The following ATRNL1 variants were observed in gnomAD, a reference collection of about 807,000 sequenced individuals.
ATRNL1 encodes the protein attractin-like protein 1.
Under a neutral mutation model 182.7 loss-of-function variants are expected in ATRNL1, and 95 were observed. The observed-to-expected ratio is 0.52, with a 90% CI of 0.44 to 0.62. ATRNL1 has a LOEUF of 0.62. Ranked by LOEUF, ATRNL1 falls within the 20% of genes least tolerant of loss-of-function variation. The pLI is 0.00. For synonymous variants in ATRNL1, 576 were observed against 568.3 expected (o/e 1.01, Z -0.19); for missense variants, 1,471 against 1,679.5 (o/e 0.88, Z 2.17).
chr10:115,621,280 G>C (rs60514863), intron 26 of ATRNL1, among the ~76,000 whole-genome samples: 1 of 55,242 alleles, frequency 1.8e-5, no homozygotes. Flanking sequence ...TATATATAGA[G>C]AGAGAGAGAG....
chr10:115,160,851 G>A (rs1279105965), intron 6 of ATRNL1, among the ~76,000 whole-genome samples: 17 of 151,986 alleles, frequency 1.1e-4, no homozygotes, highest in Non-Finnish European at 7.4e-5. Context: ...TCCAGGGGTA[G>A]TGTTCATATT....
At chr10:115,148,165 A>G (rs868927043) in intron 5 of ATRNL1, among the ~76,000 whole-genome samples, 1 of 151,988 alleles carries the variant, frequency 6.6e-6, no homozygotes, top group African/African-American at 2.4e-5. Context: ...GATTGTCCAC[A>G]TGCTTGGTTA....
chr10:115,106,817 G>A (rs572554878), intron 1 of ATRNL1, among the ~76,000 whole-genome samples: 12 of 152,210 alleles, frequency 7.9e-5, no homozygotes, highest in South Asian at 4.1e-4. Flanking sequence ...CCAGTTTTGG[G>A]TGTGTCTTTA....
At chr10:115,302,536 A>G (rs782073582) in intron 17 of ATRNL1, among the ~76,000 whole-genome samples, 1 of 152,154 alleles carries the variant, frequency 6.6e-6, no homozygotes, top group Non-Finnish European at 1.5e-5. Context: ...TATTTTATCA[A>G]TGTTGGTATA....
intron 26 of ATRNL1, among the ~76,000 whole-genome samples, chr10:115,719,938 T>C (rs1055072025): frequency 7.9e-5 from 12 of 151,240 alleles, no homozygotes; most frequent in Non-Finnish European, 1.3e-4. Context: ...TGGCTCACTG[T>C]ATCCTCTGCC....
At chr10:115,535,224 C>G (rs550689976) in intron 25 of ATRNL1, among the ~76,000 whole-genome samples, 64 of 152,248 alleles carry the variant, frequency 4.2e-4, no homozygotes, top group Non-Finnish European at 5.9e-4. Flanking sequence ...GCTCCATTCT[C>G]CCCGTCACTT....
chr10:115,935,539 T>G (rs1444153349), intron 28 of ATRNL1, among the ~76,000 whole-genome samples: 1 of 152,136 alleles, frequency 6.6e-6, no homozygotes, highest in Non-Finnish European at 1.5e-5. Flanking sequence ...TGGCTGCAAA[T>G]GAGCGGAGTG....
At chr10:115,726,662 C>G (rs1433746053) in intron 26 of ATRNL1, among the ~76,000 whole-genome samples, 1 of 152,268 alleles carries the variant, frequency 6.6e-6, no homozygotes, top group South Asian at 2.1e-4. Context: ...CTAATCATGC[C>G]TCATTTTGAA....
intron 26 of ATRNL1, among the ~76,000 whole-genome samples, chr10:115,638,583 G>A (rs531241905): frequency 6.6e-6 from 1 of 152,232 alleles, no homozygotes; most frequent in South Asian, 2.1e-4. Context: ...TGGGTATGGA[G>A]TATCTTTTAA....
intron 12 of ATRNL1, among the ~76,000 whole-genome samples, chr10:115,267,895 G>A (rs1282579204): frequency 2.6e-5 from 4 of 152,056 alleles, no homozygotes; most frequent in Non-Finnish European, 5.9e-5. Context: ...CCGAGTAGCT[G>A]GAATTACAGG....
chr10:115,893,888 T>C (rs1952141046), intron 28 of ATRNL1, among the ~76,000 whole-genome samples: 1 of 151,786 alleles, frequency 6.6e-6, no homozygotes, highest in Non-Finnish European at 1.5e-5. Flanking sequence ...CATGCCAGGG[T>C]CAGTAGGGCA....
intron 24 of ATRNL1, among the ~76,000 whole-genome samples, chr10:115,490,502 C>T (rs1169944906): frequency 6.6e-6 from 1 of 152,070 alleles, no homozygotes; most frequent in Non-Finnish European, 1.5e-5. Context: ...CTTTCTTCCC[C>T]TTGATTGATT....
chr10:115,898,405 T>C (rs782749898), intron 28 of ATRNL1, among the ~76,000 whole-genome samples: 15 of 152,220 alleles, frequency 9.9e-5, no homozygotes, highest in Non-Finnish European at 1.6e-4. Context: ...CAGGCCATCA[T>C]TGTGGCAGGC....
intron 5 of ATRNL1, among the ~76,000 whole-genome samples, chr10:115,140,718 A>G (rs1554877823): frequency 1.3e-5 from 2 of 152,164 alleles, no homozygotes; most frequent in East Asian, 1.9e-4. Flanking sequence ...TTTTAATTCA[A>G]TTCAGCTACA....
intron 19 of ATRNL1, among the ~76,000 whole-genome samples, chr10:115,389,548 A>G (rs703354): frequency 0.055 from 1,663 of 30,162 alleles, 238 homozygotes; most frequent in African/African-American, 0.15. Flanking sequence ...GTGTATATAT[A>G]TATATATATA....
chr10:115,857,725 A>G (rs183029185), intron 28 of ATRNL1, among the ~76,000 whole-genome samples: 3 of 152,358 alleles, frequency 2.0e-5, no homozygotes, highest in African/African-American at 7.2e-5. Flanking sequence ...AATAGTGAAA[A>G]TGGCTAATTA....
intron 26 of ATRNL1, among the ~76,000 whole-genome samples, chr10:115,602,731 C>T (rs1024581248): frequency 1.3e-5 from 2 of 151,998 alleles, no homozygotes; most frequent in Non-Finnish European, 2.9e-5. Context: ...GGCGTGGTGG[C>T]AGGCACCTGT....
chr10:115,669,525 C>T (rs1945629255), intron 26 of ATRNL1, among the ~76,000 whole-genome samples: 1 of 152,090 alleles, frequency 6.6e-6, no homozygotes, highest in Non-Finnish European at 1.5e-5. Flanking sequence ...CATTGTGCTC[C>T]TGATATATTC....
rs556481811 is a variant in ATRNL1, at chr10:115,405,879, C to A, written c.3269+11127C>A. On this transcript the variant is annotated intron_variant, in intron 20 of 28. Coordinates refer to ENST00000355044, the MANE Select transcript of ATRNL1 (RefSeq NM_207303.4). ...CACAACAGGCCCCAGTTTGTGATGTCCCCCTTCCTGTGTCCATGTATTCTC... is the reference window on the plus strand; with the variant it reads ...CACAACAGGCCCCAGTTTGTGATGTACCCCTTCCTGTGTCCATGTATTCTC... Among the ~76,000 whole-genome samples, 3 of 125,690 alleles carry A rather than the reference C, an allele frequency of 2.4e-5. No homozygotes were observed. The South Asian group carries it at 7.5e-4, about 31-fold the overall frequency. 82.5% of individuals were successfully genotyped at this position (125,690 alleles called of 152,430 possible).
Sources: allele counts gnomAD v4.1 joint callset (sites outside exome capture counted in the v4.1 genomes callset), GRCh38; gene constraint gnomAD v4.1.1; transcripts MANE v1.5; gene names NCBI Gene and HGNC (gene_info 2026-07-23, HGNC 2026-07-21).